The following SLC6A17 variants were observed in gnomAD, a reference collection of about 807,000 sequenced individuals.
SLC6A17 encodes solute carrier family 6 member 17.
Under a neutral mutation model 64.5 loss-of-function variants are expected in SLC6A17, and 21 were observed. That is an observed-to-expected ratio of 0.33 (90% CI 0.23 to 0.47). SLC6A17 has a LOEUF of 0.47. SLC6A17 is among the 20% of genes least tolerant of loss of function. The pLI is 1.00. For synonymous variants in SLC6A17, 372 were observed against 399.5 expected, an observed-to-expected ratio of 0.93 and a Z score of 0.82; for missense variants, 682 against 963.2, an observed-to-expected ratio of 0.71 and a Z score of 3.86.
Position 110,198,407 on chromosome 1 carries a change from G to A in SLC6A17, c.2147G>A (p.Gly716Asp). ...SGNPNGRYGS[G>D]YLLASTPESE... ...AACCCCAATGGACGCTATGGGAGCG[G>A]CTACCTGCTGGCCAGCACCCCTGAG... The change falls in exon 12 of 12, where the codon GGC becomes GAC. Residue 716 changes from glycine to aspartate, a missense_variant. Transcript: ENST00000331565. The A allele has an allele frequency of 6.2e-7, 1 of 1,613,374 alleles. No individual in the cohort carries two copies. Among genetic ancestry groups the A allele is most frequent in the Non-Finnish European group, 8.5e-7 (1 of 1,179,832 alleles).
intron 6 of SLC6A17, among the ~76,000 whole-genome samples, chr1:110,183,323 T>C (rs1195668326): frequency 6.6e-6 from 1 of 152,136 alleles, no homozygotes. Flanking sequence ...CATTGCAACA[T>C]GCAACTCCTG....
rs1656948437 is a variant in SLC6A17 at position 110,195,778 on chromosome 1, AGGAGGGGTCT to A, written c.1652+35_1652+44del. On this transcript the variant is annotated intron_variant, in intron 10 of 11. Coordinates refer to ENST00000331565, the MANE Select transcript of SLC6A17 (RefSeq NM_001010898.4). ...GAACATGGGGGAAAGGTGGGATGGG[AGGAGGGGTCT>A]GTCCTATCATGACTCCCTGGAGAGG... 14 of 1,613,078 alleles carry A rather than the reference AGGAGGGGTCT, an allele frequency of 8.7e-6. No homozygotes were observed. In the East Asian group the frequency reaches 3.1e-4, roughly 36 times the overall value.
chr1:110,197,521 C>T lies in SLC6A17; in HGVS notation c.1737C>T (p.Cys579=). ...FYMWKFVSPL[C]MAVLTTASII... ...TGTGGAAGTTCGTGTCTCCACTATG[C>T]ATGGCTGTGCTCACCACAGCCAGCA... Residue 579 remains cysteine, a synonymous_variant, in exon 11 of 12, where the codon TGC becomes TGT. Coordinates refer to ENST00000331565, the MANE Select transcript of SLC6A17 (RefSeq NM_001010898.4). 6.2e-7 allele frequency: 1 copy of T among 1,613,746 alleles called. No homozygotes were observed. The highest frequency in any genetic ancestry group is 8.5e-7 in the Non-Finnish European group (1 of 1,179,944).
Position 110,172,231 on chromosome 1 carries a change from TG to T in SLC6A17, c.444+18del. The T allele has an allele frequency of 6.4e-7, 1 of 1,567,920 alleles. No individual in the cohort carries two copies. The stretch of plus-strand genomic sequence containing the variant: ...TCCAGCTGCATAGTGAGTCAAGGGC[TG>T]GGGCAGGCACTGAGTGGGAGGCAGG... On this transcript the variant is annotated intron_variant, in intron 3 of 11. Coordinates refer to ENST00000331565, the MANE Select transcript of SLC6A17 (RefSeq NM_001010898.4).
At chr1:110,185,764 C>T (rs574201669) in intron 6 of SLC6A17, among the ~76,000 whole-genome samples, 1 of 152,302 alleles carries the variant, frequency 6.6e-6, no homozygotes, top group African/African-American at 2.4e-5. Context: ...TGCACCATCA[C>T]CCAGGAATCC....
rs1656939930 is a variant in SLC6A17, at chr1:110,195,575, GCT to G, written c.1493-6_1493-5del. On this transcript the variant is annotated splice_polypyrimidine_tract_variant and intron_variant, in intron 9 of 11. Transcript: ENST00000331565. ...CCTTTGCCCCCAAACCGGCCTCCCG[GCT>G]CTCTGTAGTGGGCTGCTGTGTCTTT... 6.2e-7 allele frequency: 1 copy of G among 1,613,878 alleles called. No homozygotes were observed. Among genetic ancestry groups the G allele is most frequent in the Non-Finnish European group, 8.5e-7 (1 of 1,179,914 alleles).
In SLC6A17 at chr1:110,174,934, G is replaced by A. The variant is rs770108919; in HGVS notation, c.727G>A (p.Val243Ile). Residue 243 changes from valine (V) to isoleucine (I), a missense_variant, in exon 5 of 12, where the codon GTT becomes ATT. This residue lies in a region of SLC6A17 where 415 missense variants were observed against 603.8 expected (regional missense o/e 0.69). Transcript: ENST00000331565. Reference sequence around the variant, plus strand: ...CTGGAGCATCGTGGGGATGGCTGTCGTTAAGGGCATCCAGTCCTCGGGGAA... The same window carrying A: ...CTGGAGCATCGTGGGGATGGCTGTCATTAAGGGCATCCAGTCCTCGGGGAA... ...VAWSIVGMAV[V>I]KGIQSSGKVM... The A allele has an allele frequency of 4.3e-5, 70 of 1,613,938 alleles. No individual in the cohort carries two copies. The highest frequency in any genetic ancestry group is 3.3e-5 in the South Asian group (3 of 91,066).
intron 9 of SLC6A17, 143 bp from the exon 10 acceptor site, chr1:110,195,443 G>T: frequency 1.0e-6 from 1 of 977,156 alleles, no homozygotes; most frequent in South Asian, 1.6e-5. Context: ...GATCCCTCGT[G>T]CAGGACTGAG....
intron 6 of SLC6A17, among the ~76,000 whole-genome samples, chr1:110,181,425 C>T (rs1480722342): frequency 1.3e-5 from 2 of 152,248 alleles, no homozygotes; most frequent in Non-Finnish European, 2.9e-5. Flanking sequence ...CCATCATTCA[C>T]TTATTCATTC....
intron 3 of SLC6A17, chr1:110,172,470 G>A (rs990596339): frequency 1.1e-4 from 52 of 487,024 alleles, no homozygotes; most frequent in East Asian, 3.2e-4. Flanking sequence ...GAAAAGCTGG[G>A]ACATATTCAC....
chr1:110,155,215 C>T (rs1018591574), intron 1 of SLC6A17, among the ~76,000 whole-genome samples: 1 of 152,222 alleles, frequency 6.6e-6, no homozygotes, highest in Admixed American at 6.5e-5. Context: ...ACCCTTGCTT[C>T]ATAGGCAGCC....
chr1:110,153,494 A>G (rs545704131), intron 1 of SLC6A17, among the ~76,000 whole-genome samples: 2 of 138,756 alleles, frequency 1.4e-5, no homozygotes, highest in African/African-American at 5.2e-5. Flanking sequence ...ATGCTGGCTC[A>G]GGGGACTCCA....
Position 110,200,021 on chromosome 1 carries a change from C to T in SLC6A17, c.*1577C>T, listed in dbSNP as rs1194310141. The T allele has an allele frequency of 2.5e-6, 1 of 398,264 alleles. No individual in the cohort carries two copies. The highest frequency in any genetic ancestry group is 2.1e-5 in the African/African-American group (1 of 48,524). 24.7% of individuals were successfully genotyped at this position (398,264 alleles called of 1,614,324 possible). A position where few individuals can be genotyped will look rare whatever the true frequency, so the allele number is the denominator to read the frequency against. On this transcript the variant is annotated 3_prime_UTR_variant, in exon 12 of 12. Coordinates refer to ENST00000331565, the MANE Select transcript of SLC6A17 (RefSeq NM_001010898.4). ...GGAGGGAGAAAGGAGGGAATACTGG[C>T]TCCATCTTTGAGAGCTCTGGTGGGC...
intron 3 of SLC6A17, chr1:110,172,549 C>T (rs931952488): frequency 4.5e-6 from 1 of 221,310 alleles, no homozygotes; most frequent in East Asian, 1.2e-4. Context: ...ATGCCCTTCT[C>T]TGCTTATCAG....
intron 1 of SLC6A17, among the ~76,000 whole-genome samples, chr1:110,152,771 T>C (rs1207114617): frequency 2.5e-4 from 38 of 152,182 alleles, no homozygotes; most frequent in Non-Finnish European, 4.4e-5. Flanking sequence ...ATGCCTATGA[T>C]ATTATTTCTG....
chr1:110,191,829 A>G, intron 6 of SLC6A17, 143 bp from the exon 7 acceptor site: 1 of 1,357,262 alleles, frequency 7.4e-7, no homozygotes, highest in Non-Finnish European at 9.9e-7. Context: ...GGAGTAGGGA[A>G]ATTGCCCAAG....
intron 1 of SLC6A17, among the ~76,000 whole-genome samples, chr1:110,152,767 A>G (rs6688750): frequency 0.038 from 5,714 of 152,228 alleles, 367 homozygotes; most frequent in African/African-American, 0.13. Flanking sequence ...AGGGATGCCT[A>G]TGATATTATT....
intron 4 of SLC6A17, among the ~76,000 whole-genome samples, chr1:110,174,547 T>C (rs748466123): frequency 6.6e-6 from 1 of 152,114 alleles, no homozygotes. Flanking sequence ...GCAGGAGGCA[T>C]GGGTGGGAAT....
chr1:110,172,178 A>G lies in SLC6A17; in HGVS notation c.405A>G (p.Ile135Met). Residue 135 changes from isoleucine (I) to methionine (M), a missense_variant, in exon 3 of 12, where the codon ATA becomes ATG. By Grantham distance (10) the Ile-to-Met change is conservative. Around this residue, in one of 3 missense-constraint regions of SLC6A17, gnomAD observed 415 missense variants for 603.8 expected, o/e 0.69. Coordinates refer to ENST00000331565, the MANE Select transcript of SLC6A17 (RefSeq NM_001010898.4). ...RRGSIGVWHY[I>M]CPRLGGIGFS... ...GCAGCATCGGTGTGTGGCACTATAT[A>G]TGTCCCCGCCTGGGGGGCATCGGCT... 1 of 1,608,352 alleles carries G rather than the reference A, an allele frequency of 6.2e-7. No individual in the cohort carries two copies. Among genetic ancestry groups the G allele is most frequent in the Non-Finnish European group, 8.5e-7 (1 of 1,177,516 alleles).
Sources: gnomAD v4.1 joint callset for allele counts (sites outside exome capture counted in the v4.1 genomes callset) on GRCh38, gnomAD v4.1.1 for gene constraint, gnomAD v4.1.1 regional missense constraint, MANE v1.5 for transcripts, NCBI Gene and HGNC (gene_info 2026-07-23, HGNC 2026-07-21) for gene names.